CDC27: variants seen among roughly 807,000 people sequenced by gnomAD.
The protein encoded by CDC27 is cell division cycle protein 27 homolog.
Under a neutral mutation model 109.7 loss-of-function variants are expected in CDC27, and 27 were observed. The observed-to-expected ratio is 0.25, with a 90% confidence interval of 0.18 to 0.34. The LOEUF (loss-of-function observed/expected upper bound fraction) is 0.34, where lower values mean the gene tolerates loss of function less well. CDC27 is among the 10% of genes least tolerant of loss of function. The pLI is 1.00. For missense variants in CDC27, 579 were observed against 960.2 expected (o/e 0.60, Z 5.25); for synonymous variants, 266 against 333.9 (o/e 0.80, Z 2.22).
chr17:47,125,998 G>A (rs951791646), intron 16 of CDC27, among the ~76,000 whole-genome samples: 10 of 152,048 alleles, frequency 6.6e-5, no homozygotes, highest in African/African-American at 1.2e-4. Context: ...CACCCCCAGC[G>A]ATCTAATTAC....
intron 15 of CDC27, among the ~76,000 whole-genome samples, chr17:47,131,572 G>T (rs1029848441): frequency 6.6e-6 from 1 of 151,986 alleles, no homozygotes; most frequent in African/African-American, 2.4e-5. Context: ...ATGAGAACAA[G>T]AACTTAAGGT....
At chr17:47,159,207 G>A (rs1372500177) in intron 4 of CDC27, 2 of 446,568 alleles carry the variant, frequency 4.5e-6, no homozygotes, top group Non-Finnish European at 7.9e-6. Context: ...TGTAGCCACA[G>A]CTGGAGCCCG....
intron 2 of CDC27, among the ~76,000 whole-genome samples, chr17:47,180,052 C>T (rs1246732328): frequency 6.6e-6 from 1 of 152,128 alleles, no homozygotes; most frequent in African/African-American, 2.4e-5. Context: ...CACTTCAGTC[C>T]AGGAGTTCAA....
intron 8 of CDC27, among the ~76,000 whole-genome samples, chr17:47,152,470 C>G (rs11079759): frequency 0.082 from 12,531 of 152,030 alleles, 596 homozygotes; most frequent in African/African-American, 0.12. Flanking sequence ...CTTAGTTTTT[C>G]TAATCTTCAT....
chr17:47,164,190 A>AG (rs1328574441), intron 4 of CDC27, among the ~76,000 whole-genome samples: 2 of 152,200 alleles, frequency 1.3e-5, no homozygotes, highest in East Asian at 3.8e-4. Flanking sequence ...TTTGTGGCCC[A>AG]GGAGCAATAG....
chr17:47,119,774 T>C lies in CDC27; in HGVS notation c.*1161A>G, dbSNP rs1350121634. ...TATGACAAACTCAGAAGAGAACCTA[T>C]CTCCTTCATAAGAATGTTTTTTCCC... On this transcript the variant is annotated 3_prime_UTR_variant, in exon 19 of 19. Transcript: ENST00000066544. The C allele has an allele frequency of 6.6e-6, 1 of 152,130 alleles. No homozygotes were observed. The highest frequency in any genetic ancestry group is 1.5e-5 in the Non-Finnish European group (1 of 68,024). The allele number at this position is 152,130 out of a possible 1,614,324, so 9.4% of individuals were successfully genotyped here. A position where few individuals can be genotyped will look rare whatever the true frequency, so the allele number is the denominator to read the frequency against.
At chr17:47,180,945 T>TAAAAA (rs34061862) in intron 2 of CDC27, among the ~76,000 whole-genome samples, 138 of 111,546 alleles carry the variant, frequency 1.2e-3, no homozygotes, top group East Asian at 2.2e-3. Flanking sequence ...ACTCTTTTCT[T>TAAAAA]AAAAAAAAAA....
chr17:47,137,081 T>G, intron 14 of CDC27, 71 bp downstream of exon 14: 2 of 789,408 alleles, frequency 2.5e-6, no homozygotes, highest in Non-Finnish European at 1.9e-6. Context: ...TAAAGAGCTA[T>G]CTAACAAGAA....
intron 9 of CDC27, among the ~76,000 whole-genome samples, chr17:47,144,526 T>C (rs1244564018): frequency 6.6e-6 from 1 of 152,200 alleles, no homozygotes; most frequent in East Asian, 1.9e-4. Flanking sequence ...CTAGAACTAC[T>C]AATATTTGAG....
At chr17:47,136,041 C>T (rs548628390) in intron 14 of CDC27, among the ~76,000 whole-genome samples, 1 of 152,230 alleles carries the variant, frequency 6.6e-6, no homozygotes, top group South Asian at 2.1e-4. Flanking sequence ...ACTCGGGAGG[C>T]TGAGGCAGGA....
At chr17:47,130,705 G>A (rs775974115) in intron 15 of CDC27, among the ~76,000 whole-genome samples, 5 of 151,510 alleles carry the variant, frequency 3.3e-5, no homozygotes, top group Non-Finnish European at 7.4e-5. Flanking sequence ...TGAAACCCCC[G>A]TCTCTACTAA....
intron 8 of CDC27, among the ~76,000 whole-genome samples, chr17:47,152,739 T>C (rs1474577792): frequency 1.3e-5 from 2 of 152,212 alleles, no homozygotes; most frequent in African/African-American, 4.8e-5. Flanking sequence ...CATCAGATAT[T>C]AAAACCTTAT....
At chr17:47,122,904 C>T (rs2062020408) in intron 17 of CDC27, among the ~76,000 whole-genome samples, 1 of 152,114 alleles carries the variant, frequency 6.6e-6, no homozygotes, top group Non-Finnish European at 1.5e-5. Context: ...AAACTCCTGA[C>T]TCAGATGATC....
intron 4 of CDC27, among the ~76,000 whole-genome samples, chr17:47,166,166 T>C (rs1273704218): frequency 6.6e-6 from 1 of 152,174 alleles, no homozygotes; most frequent in African/African-American, 2.4e-5. Context: ...TAGAACAGTA[T>C]TTCATTTTGG....
Position 47,120,668 on chromosome 17 carries a change from T to G in CDC27, c.*267A>C. Reference sequence around the variant, plus strand: ...CATGATACTTTCCAACAAAGGGAGATTAAAGAAAAACAGAAAAGAAAGTTC... The same window carrying G: ...CATGATACTTTCCAACAAAGGGAGAGTAAAGAAAAACAGAAAAGAAAGTTC... On this transcript the variant is annotated 3_prime_UTR_variant, in exon 19 of 19. Coordinates refer to ENST00000066544, the MANE Select transcript of CDC27 (RefSeq NM_001256.6). 3.0e-6 allele frequency: 1 copy of G among 333,824 alleles called. No homozygotes were observed. The highest frequency in any genetic ancestry group is 5.5e-6 in the Non-Finnish European group (1 of 181,894). 20.7% of individuals were successfully genotyped at this position (333,824 alleles called of 1,614,324 possible).
intron 4 of CDC27, among the ~76,000 whole-genome samples, chr17:47,164,579 G>A (rs1461606570): frequency 6.6e-6 from 1 of 152,202 alleles, no homozygotes; most frequent in African/African-American, 2.4e-5. Context: ...CACTTCGGGA[G>A]GCCGAGGCAG....
At chr17:47,140,823 A>T (rs2062771887) in intron 12 of CDC27, among the ~76,000 whole-genome samples, 1 of 152,208 alleles carries the variant, frequency 6.6e-6, no homozygotes. Flanking sequence ...ACTATTCAAA[A>T]TTAAATTATA....
At chr17:47,150,437 T>A (rs1316997420) in intron 9 of CDC27, among the ~76,000 whole-genome samples, 1 of 152,076 alleles carries the variant, frequency 6.6e-6, no homozygotes, top group African/African-American at 2.4e-5. Context: ...GAAACACACA[T>A]GGAAGATGAC....
chr17:47,181,137 C>A (rs1160752902), intron 2 of CDC27: 2 of 149,198 alleles, frequency 1.3e-5, no homozygotes, highest in Non-Finnish European at 3.0e-5. Flanking sequence ...TGCCTGCGGT[C>A]CCAGCTACTT....
Sources: gnomAD v4.1 joint callset for allele counts (sites outside exome capture counted in the v4.1 genomes callset) on GRCh38, gnomAD v4.1.1 for gene constraint, MANE v1.5 for transcripts, NCBI Gene and HGNC (gene_info 2026-07-23, HGNC 2026-07-21) for gene names.